The following KCNH1 variants were observed in gnomAD, a reference collection of about 807,000 sequenced individuals.
KCNH1 encodes the protein voltage-gated delayed rectifier potassium channel KCNH1.
A neutral mutation model predicts 69.2 loss-of-function variants in KCNH1; 27 were observed. The observed-to-expected ratio is 0.39, with a 90% confidence interval of 0.29 to 0.54. The LOEUF is 0.54. KCNH1 is among the 20% of genes least tolerant of loss of function. KCNH1 has a pLI of 0.68. For missense variants in KCNH1, 798 were observed against 1,261.6 expected (o/e 0.63, Z 5.57); for synonymous variants, 456 against 487.7 (o/e 0.93, Z 0.86).
At chr1:211,070,967 A>G (rs1046877096) in intron 5 of KCNH1, among the ~76,000 whole-genome samples, 3 of 152,186 alleles carry the variant, frequency 2.0e-5, no homozygotes, top group Admixed American at 6.5e-5. Context: ...TGACTCTAAA[A>G]ATTTACTAAT....
intron 7 of KCNH1, among the ~76,000 whole-genome samples, chr1:210,811,517 C>T (rs1158944961): frequency 6.6e-6 from 1 of 152,156 alleles, no homozygotes; most frequent in East Asian, 1.9e-4. Context: ...TCTCTCCTCT[C>T]ATTCTTTTTG....
chr1:210,767,350 G>GA (rs1360438821), intron 10 of KCNH1, among the ~76,000 whole-genome samples: 2 of 152,180 alleles, frequency 1.3e-5, no homozygotes, highest in Non-Finnish European at 2.9e-5. Flanking sequence ...AAATTAGCGA[G>GA]ACCCTGCCAG....
chr1:210,850,974 GCT>G (rs1398198740), intron 7 of KCNH1, among the ~76,000 whole-genome samples: 1 of 152,324 alleles, frequency 6.6e-6, no homozygotes, highest in African/African-American at 2.4e-5. Flanking sequence ...AGAGCAGGCA[GCT>G]CTCTGCATTC....
At chr1:210,971,971 C>T (rs2102367817) in intron 6 of KCNH1, among the ~76,000 whole-genome samples, 1 of 151,860 alleles carries the variant, frequency 6.6e-6, no homozygotes, top group East Asian at 1.9e-4. Context: ...CAGTAGTTAC[C>T]CCTCTTCAGG....
intron 7 of KCNH1, among the ~76,000 whole-genome samples, chr1:210,838,274 G>A (rs1685328630): frequency 1.3e-5 from 2 of 152,162 alleles, no homozygotes; most frequent in East Asian, 3.9e-4. Flanking sequence ...ATGGTGCTGG[G>A]AGAACTGGCT....
At chr1:210,874,830 T>C (rs951444277) in intron 7 of KCNH1, among the ~76,000 whole-genome samples, 4 of 152,194 alleles carry the variant, frequency 2.6e-5, no homozygotes, top group African/African-American at 9.7e-5. Flanking sequence ...ATTAAACTCA[T>C]ATACCCCTAA....
At chr1:210,969,231 T>C (rs1043706082) in intron 6 of KCNH1, among the ~76,000 whole-genome samples, 2 of 152,088 alleles carry the variant, frequency 1.3e-5, no homozygotes, top group African/African-American at 4.8e-5. Context: ...AATTTTACTT[T>C]TCTACACCAT....
intron 7 of KCNH1, among the ~76,000 whole-genome samples, chr1:210,866,774 C>T (rs1046598933): frequency 1.3e-5 from 2 of 152,002 alleles, no homozygotes; most frequent in African/African-American, 2.4e-5. Flanking sequence ...AAGGCAGAAA[C>T]AAATGTCCAT....
chr1:210,892,994 A>G (rs2102525069), intron 7 of KCNH1, among the ~76,000 whole-genome samples: 1 of 152,306 alleles, frequency 6.6e-6, no homozygotes, highest in Non-Finnish European at 1.5e-5. Flanking sequence ...AGGGATACTG[A>G]TTCCATTCTA....
rs138755567 is a variant in KCNH1, at chr1:210,788,000, G to T, written c.1915+9508C>A. Among the ~76,000 whole-genome samples the T allele has an allele frequency of 2.3e-3, 350 of 152,226 alleles. 2 individuals are homozygous for T. The highest frequency in any genetic ancestry group is 0.01 in the Middle Eastern group (3 of 294). On this transcript the variant is annotated intron_variant, in intron 9 of 10. Coordinates refer to ENST00000271751, the MANE Select transcript of KCNH1 (RefSeq NM_172362.3). Reference sequence around the variant, plus strand: ...GAAACTTCATGACAATTCTCCTTCTGTTCTTCATTACTGCAATTAGATAAA... The same window carrying T: ...GAAACTTCATGACAATTCTCCTTCTTTTCTTCATTACTGCAATTAGATAAA...
intron 7 of KCNH1, among the ~76,000 whole-genome samples, chr1:210,815,710 G>A (rs1430928708): frequency 6.6e-6 from 1 of 152,116 alleles, no homozygotes; most frequent in Non-Finnish European, 1.5e-5. Context: ...GCCACCAGGA[G>A]GTTGCCTTGA....
At chr1:210,908,760 C>T (rs1486232381) in intron 7 of KCNH1, among the ~76,000 whole-genome samples, 2 of 152,130 alleles carry the variant, frequency 1.3e-5, no homozygotes, top group Admixed American at 6.6e-5. Context: ...TATGCCCACC[C>T]CTGCTCTGGC....
rs1379642161 is a variant in KCNH1 at position 210,682,235 on chromosome 1, T to TA, written c.*1045dup. On this transcript the variant is annotated 3_prime_UTR_variant, in exon 11 of 11. Coordinates refer to ENST00000271751, the MANE Select transcript of KCNH1 (RefSeq NM_172362.3). Reference sequence around the variant, plus strand: ...GCCCAGCATGGCTCCCAAGTGCCTATAATGACCCCGTGCGGTGAACAAAAT... The same window carrying TA: ...GCCCAGCATGGCTCCCAAGTGCCTATAAATGACCCCGTGCGGTGAACAAAAT... 1 of 152,196 alleles carries TA rather than the reference T, an allele frequency of 6.6e-6. No homozygotes were observed. The highest frequency in any genetic ancestry group is 2.4e-5 in the African/African-American group (1 of 41,446). The allele number at this position is 152,196 out of a possible 1,614,324, so 9.4% of individuals were successfully genotyped here. A position where few individuals can be genotyped will look rare whatever the true frequency, so the allele number is the denominator to read the frequency against.
At chr1:210,798,291 G>A (rs1010946312) in intron 8 of KCNH1, among the ~76,000 whole-genome samples, 5 of 152,058 alleles carry the variant, frequency 3.3e-5, no homozygotes, top group Admixed American at 2.0e-4. Flanking sequence ...CGCCCGCCTC[G>A]GCCTCCCAAA....
At chr1:210,700,546 T>C (rs1934617) in intron 10 of KCNH1, among the ~76,000 whole-genome samples, 3,415 of 152,334 alleles carry the variant, frequency 0.022, 75 homozygotes, top group Middle Eastern at 0.034. Context: ...TTCTTATTGA[T>C]TTGTCATCTC....
intron 7 of KCNH1, chr1:210,861,190 AG>A (rs1685971380): frequency 1.0e-6 from 1 of 963,670 alleles, no homozygotes; most frequent in Admixed American, 1.7e-5. Context: ...GTTCCTCATC[AG>A]CATCTGTATA....
intron 10 of KCNH1, among the ~76,000 whole-genome samples, chr1:210,743,705 G>A (rs1683087558): frequency 6.6e-6 from 1 of 152,214 alleles, no homozygotes; most frequent in Non-Finnish European, 1.5e-5. Flanking sequence ...CAAGTCTGCA[G>A]GTGATCCATC....
intron 7 of KCNH1, among the ~76,000 whole-genome samples, chr1:210,910,748 G>A (rs983722002): frequency 2.0e-5 from 3 of 152,230 alleles, no homozygotes; most frequent in African/African-American, 7.2e-5. Context: ...AGTGTTGGGA[G>A]AGGTGAATAA....
chr1:210,984,105 T>C (rs2102381170), intron 6 of KCNH1, among the ~76,000 whole-genome samples: 1 of 152,328 alleles, frequency 6.6e-6, no homozygotes, highest in African/African-American at 2.4e-5. Flanking sequence ...ATGCTTGTGA[T>C]TTTTGCACAT....
Sources: allele counts gnomAD v4.1 joint callset (sites outside exome capture counted in the v4.1 genomes callset), GRCh38; gene constraint gnomAD v4.1.1; transcripts MANE v1.5; gene names NCBI Gene and HGNC (gene_info 2026-07-23, HGNC 2026-07-21).